Variants in ROR1 observed in about 807,000 individuals in gnomAD.
ROR1 encodes the protein ROR family WNT receptor 1.
Under a neutral mutation model 78.8 loss-of-function variants are expected in ROR1, and 19 were observed. That is an observed-to-expected ratio of 0.24 (90% CI 0.17 to 0.35). The LOEUF (loss-of-function observed/expected upper bound fraction) is 0.35, where lower values mean the gene tolerates loss of function less well. ROR1 is among the 10% of genes least tolerant of loss of function. The pLI is 1.00. For synonymous variants in ROR1, 386 were observed against 433.6 expected (o/e 0.89, Z 1.36); for missense variants, 917 against 1,177.8 (o/e 0.78, Z 3.24).
intron 2 of ROR1, among the ~76,000 whole-genome samples, chr1:64,036,483 C>G (rs970682129): frequency 6.6e-6 from 1 of 152,144 alleles, no homozygotes; most frequent in Admixed American, 6.5e-5. Flanking sequence ...GAATATACTC[C>G]CATCATGTAT....
chr1:64,021,579 G>C (rs975922425), intron 2 of ROR1, among the ~76,000 whole-genome samples: 2 of 152,184 alleles, frequency 1.3e-5, no homozygotes, highest in Admixed American at 6.5e-5. Context: ...ACAAGTTCAA[G>C]GTAAAGTGAC....
intron 1 of ROR1, among the ~76,000 whole-genome samples, chr1:63,778,531 T>G (rs1374345140): frequency 9.9e-5 from 15 of 152,186 alleles, no homozygotes. Context: ...AGGCAGGCTG[T>G]TAATTGGGCC....
At chr1:63,813,064 CA>C (rs879726306) in intron 1 of ROR1, among the ~76,000 whole-genome samples, 479 of 132,334 alleles carry the variant, frequency 3.6e-3, no homozygotes, top group Middle Eastern at 3.8e-3. Context: ...AAACAAATGG[CA>C]AAAAAAAAAA....
chr1:63,885,574 A>C (rs546017374), intron 1 of ROR1, among the ~76,000 whole-genome samples: 34 of 152,256 alleles, frequency 2.2e-4, no homozygotes, highest in African/African-American at 8.2e-4. Context: ...GAAGAGGTGC[A>C]ACAACGAGGT....
chr1:63,850,038 T>C (rs1014350943), intron 1 of ROR1, among the ~76,000 whole-genome samples: 3 of 152,234 alleles, frequency 2.0e-5, no homozygotes, highest in Non-Finnish European at 4.4e-5. Flanking sequence ...TTCCCATGCA[T>C]GTTTTTATAT....
intron 4 of ROR1, among the ~76,000 whole-genome samples, chr1:64,081,072 A>G (rs1316047775): frequency 6.6e-6 from 1 of 152,022 alleles, no homozygotes. Context: ...AAGATCCCCT[A>G]CCCCTGAAGA....
intron 1 of ROR1, among the ~76,000 whole-genome samples, chr1:63,894,903 G>T (rs1481384099): frequency 6.6e-6 from 1 of 152,140 alleles, no homozygotes; most frequent in African/African-American, 2.4e-5. Flanking sequence ...TTGCCAAGTA[G>T]ACTAAAGACC....
At chr1:64,067,282 A>C (rs1438117987) in intron 4 of ROR1, among the ~76,000 whole-genome samples, 1 of 151,856 alleles carries the variant, frequency 6.6e-6, no homozygotes. Context: ...CAGGAGGCAG[A>C]GGTTCAGTGA....
chr1:64,032,952 A>T (rs1181358554), intron 2 of ROR1, among the ~76,000 whole-genome samples: 1 of 152,180 alleles, frequency 6.6e-6, no homozygotes, highest in Non-Finnish European at 1.5e-5. Flanking sequence ...GGTGGTTGCC[A>T]GGGATTGGGA....
chr1:64,096,908 G>GC (rs1423187198), intron 4 of ROR1, among the ~76,000 whole-genome samples: 3 of 147,028 alleles, frequency 2.0e-5, no homozygotes, highest in Non-Finnish European at 4.5e-5. Context: ...ACCAGCATCT[G>GC]TTTTTTTTTT....
intron 1 of ROR1, among the ~76,000 whole-genome samples, chr1:63,841,684 A>T (rs772282915): frequency 1.3e-5 from 2 of 152,224 alleles, no homozygotes; most frequent in African/African-American, 4.8e-5. Context: ...TAAATAAAGG[A>T]TACAACTAAT....
At chr1:63,782,147 A>G (rs190176359) in intron 1 of ROR1, among the ~76,000 whole-genome samples, 2 of 152,364 alleles carry the variant, frequency 1.3e-5, no homozygotes, top group Non-Finnish European at 2.9e-5. Flanking sequence ...GAATAAGGTT[A>G]GATCATTGCC....
At chr1:63,950,020 C>G (rs1371736576) in intron 1 of ROR1, among the ~76,000 whole-genome samples, 1 of 152,076 alleles carries the variant, frequency 6.6e-6, no homozygotes, top group Non-Finnish European at 1.5e-5. Context: ...CCGCAGTTTC[C>G]AAAGTTGGCT....
intron 1 of ROR1, among the ~76,000 whole-genome samples, chr1:63,986,763 G>A (rs1393312969): frequency 6.6e-6 from 1 of 151,916 alleles, no homozygotes; most frequent in Non-Finnish European, 1.5e-5. Context: ...CAGACTTGGT[G>A]GTGTGTACCT....
At chr1:64,046,471 A>G (rs1314375487) in intron 2 of ROR1, among the ~76,000 whole-genome samples, 1 of 152,212 alleles carries the variant, frequency 6.6e-6, no homozygotes, top group Non-Finnish European at 1.5e-5. Flanking sequence ...TGGGTCATCT[A>G]CTACACTGAT....
chr1:64,043,185 G>C (rs1321236850), intron 2 of ROR1, among the ~76,000 whole-genome samples: 1 of 152,192 alleles, frequency 6.6e-6, no homozygotes, highest in Non-Finnish European at 1.5e-5. Context: ...AGAGATGGGG[G>C]CACTTTGAAA....
chr1:63,906,771 T>C (rs1645532266), intron 1 of ROR1, among the ~76,000 whole-genome samples: 1 of 152,222 alleles, frequency 6.6e-6, no homozygotes, highest in African/African-American at 2.4e-5. Flanking sequence ...TTTAAGTTTC[T>C]GAAATACCAT....
At chr1:63,867,032 A>C (rs1199475050) in intron 1 of ROR1, among the ~76,000 whole-genome samples, 2 of 152,236 alleles carry the variant, frequency 1.3e-5, no homozygotes. Context: ...GTGTTTGTAC[A>C]GCCAGCTATG....
chr1:64,053,071 T>C (rs1346253830), intron 4 of ROR1, among the ~76,000 whole-genome samples: 2 of 152,198 alleles, frequency 1.3e-5, no homozygotes, highest in African/African-American at 2.4e-5. Context: ...TATCATAACA[T>C]TGAGGTCCCT....
Sources: gnomAD v4.1 joint callset for allele counts (sites outside exome capture counted in the v4.1 genomes callset) on GRCh38, gnomAD v4.1.1 for gene constraint, MANE v1.5 for transcripts, NCBI Gene and HGNC (gene_info 2026-07-23, HGNC 2026-07-21) for gene names.